Variants in VEGFC observed in about 807,000 individuals in gnomAD.
VEGFC encodes the protein FLT4 ligand DHM.
VEGFC carries 12 observed loss-of-function variants against 46.1 expected under a neutral mutation model. That is an observed-to-expected ratio of 0.26 (90% CI 0.17 to 0.42). The LOEUF is 0.42. Among genes scored for constraint, VEGFC ranks in the 10% least tolerant of loss-of-function variants. VEGFC has a pLI of 1.00. For missense variants in VEGFC, 488 were observed against 529.4 expected, an observed-to-expected ratio of 0.92 and a Z score of 0.77; for synonymous variants, 232 against 195.5, an observed-to-expected ratio of 1.19 and a Z score of -1.56.
intron 4 of VEGFC, among the ~76,000 whole-genome samples, chr4:176,691,075 A>C (rs1254685507): frequency 6.6e-6 from 1 of 152,230 alleles, no homozygotes; most frequent in Non-Finnish European, 1.5e-5. Flanking sequence ...ACCGTGCTTC[A>C]AAAGTGAGGA....
chr4:176,719,023 T>C (rs1734739016), intron 3 of VEGFC, among the ~76,000 whole-genome samples: 1 of 152,220 alleles, frequency 6.6e-6, no homozygotes, highest in Non-Finnish European at 1.5e-5. Flanking sequence ...GCCACTTAGA[T>C]ACTTGTGTGG....
rs1053514094 is a variant in VEGFC at position 176,729,683 on chromosome 4, T to A, written c.211A>T (p.Thr71Ser). ...TTCCAATATTCTGGGTAGAGTACAG[T>A]CATGAGTTCATCTACACTGGACACA... The part of the protein sequence containing the change: ...RSVSSVDELM[T>S]VLYPEYWKMY... The change falls in exon 2 of 7, where the codon ACT becomes TCT. Residue 71 changes from threonine to serine, a missense_variant. By Grantham distance (58) the Thr-to-Ser change is moderately conservative. Transcript: ENST00000618562. 1 of 1,613,514 alleles carries A rather than the reference T, an allele frequency of 6.2e-7. No individual in the cohort carries two copies. The highest frequency in any genetic ancestry group is 1.3e-5 in the African/African-American group (1 of 74,846).
chr4:176,764,863 T>C (rs1735593160), intron 1 of VEGFC, among the ~76,000 whole-genome samples: 1 of 151,842 alleles, frequency 6.6e-6, no homozygotes, highest in Non-Finnish European at 1.5e-5. Flanking sequence ...TTTCAGCAAA[T>C]AAGAAAAATA....
chr4:176,784,859 G>T (rs1037613500), intron 1 of VEGFC, among the ~76,000 whole-genome samples: 3 of 151,668 alleles, frequency 2.0e-5, no homozygotes, highest in African/African-American at 7.3e-5. Context: ...TACTCATTGT[G>T]CTACAAAGAA....
rs147197056 is a variant in VEGFC, at chr4:176,736,252, A to G, written c.148-6506T>C. Reference sequence around the variant, plus strand: ...CATATTTCTAGAAAGCTTTCCTAATAAAATGCCCATATTTTGTATAAATAT... The same window carrying G: ...CATATTTCTAGAAAGCTTTCCTAATGAAATGCCCATATTTTGTATAAATAT... On this transcript the variant is annotated intron_variant, in intron 1 of 6. Transcript: ENST00000618562. Among the ~76,000 whole-genome samples, 76 of 152,022 alleles carry G rather than the reference A, an allele frequency of 5.0e-4. 4 individuals carry two copies. In the East Asian group the frequency reaches 0.012, roughly 24 times the overall value.
At chr4:176,690,820 G>A (rs536155529) in intron 4 of VEGFC, among the ~76,000 whole-genome samples, 2 of 152,114 alleles carry the variant, frequency 1.3e-5, no homozygotes, top group East Asian at 3.9e-4. Flanking sequence ...GTAACACACT[G>A]CCATGTTGGC....
At chr4:176,706,498 G>A (rs2110993738) in intron 4 of VEGFC, among the ~76,000 whole-genome samples, 1 of 151,544 alleles carries the variant, frequency 6.6e-6, no homozygotes, top group East Asian at 2.0e-4. Flanking sequence ...ATGGTGGCGG[G>A]CAACTGTAAT....
intron 1 of VEGFC, among the ~76,000 whole-genome samples, chr4:176,747,284 C>T (rs934220440): frequency 6.6e-6 from 1 of 151,956 alleles, no homozygotes; most frequent in East Asian, 1.9e-4. Flanking sequence ...TTACAATAAA[C>T]TAATTTGAGT....
chr4:176,706,625 C>CAAAAAAAAAAA (rs55996370), intron 4 of VEGFC, among the ~76,000 whole-genome samples: 2 of 63,448 alleles, frequency 3.2e-5, no homozygotes, highest in African/African-American at 1.6e-4. Context: ...GAATCTGTCT[C>CAAAAAAAAAAA]AAAAAAAAAA....
chr4:176,705,946 A>G (rs973351688), intron 4 of VEGFC: 1 of 152,166 alleles, frequency 6.6e-6, no homozygotes, highest in Non-Finnish European at 1.5e-5. Flanking sequence ...AACCTACTCA[A>G]ACTCAAAGAG....
At chr4:176,768,544 G>A (rs1353924904) in intron 1 of VEGFC, among the ~76,000 whole-genome samples, 11 of 108,662 alleles carry the variant, frequency 1.0e-4, no homozygotes, top group Middle Eastern at 6.1e-3. Context: ...ATGATATTTC[G>A]ACATCTTAAA....
chr4:176,707,216 T>C (rs1403604876), intron 4 of VEGFC, among the ~76,000 whole-genome samples: 1 of 152,242 alleles, frequency 6.6e-6, no homozygotes, highest in East Asian at 1.9e-4. Flanking sequence ...TGGAAATATG[T>C]ACATGTTAAA....
intron 4 of VEGFC, among the ~76,000 whole-genome samples, chr4:176,693,248 A>G (rs1373731701): frequency 1.4e-5 from 2 of 144,326 alleles, no homozygotes; most frequent in Non-Finnish European, 3.0e-5. Flanking sequence ...AGAAGAATGT[A>G]TAACTAGAAT....
chr4:176,688,034 A>G, intron 4 of VEGFC, 107 bp from the exon 5 acceptor site: 1 of 571,542 alleles, frequency 1.7e-6, no homozygotes, highest in Non-Finnish European at 3.1e-6. Context: ...AGCTTTAAAA[A>G]TATAAGAATT....
intron 4 of VEGFC, among the ~76,000 whole-genome samples, chr4:176,709,057 C>G (rs1325712170): frequency 1.3e-5 from 2 of 152,120 alleles, no homozygotes; most frequent in Non-Finnish European, 2.9e-5. Flanking sequence ...GCTGTAGCTT[C>G]CTGTCTCTTC....
At chr4:176,781,127 G>A (rs767104312) in intron 1 of VEGFC, among the ~76,000 whole-genome samples, 4 of 152,206 alleles carry the variant, frequency 2.6e-5, no homozygotes, top group Non-Finnish European at 5.9e-5. Flanking sequence ...ATTGTTAAGT[G>A]TGATGGTCAT....
intron 4 of VEGFC, among the ~76,000 whole-genome samples, chr4:176,702,144 C>T (rs956062971): frequency 6.6e-6 from 1 of 152,092 alleles, no homozygotes. Flanking sequence ...AATCTACTTA[C>T]TCTATTCCTT....
At chr4:176,751,301 A>C (rs1735338588) in intron 1 of VEGFC, among the ~76,000 whole-genome samples, 1 of 151,982 alleles carries the variant, frequency 6.6e-6, no homozygotes, top group African/African-American at 2.4e-5. Flanking sequence ...TTAGAATTGA[A>C]ACGCGAATAG....
At chr4:176,731,484 GA>G (rs1180416707) in intron 1 of VEGFC, among the ~76,000 whole-genome samples, 2 of 151,168 alleles carry the variant, frequency 1.3e-5, no homozygotes, top group Admixed American at 6.6e-5. Flanking sequence ...AATAATGTTG[GA>G]AAAAAAACAG....
Sources: allele counts gnomAD v4.1 joint callset (sites outside exome capture counted in the v4.1 genomes callset), GRCh38; gene constraint gnomAD v4.1.1; transcripts MANE v1.5; gene names NCBI Gene and HGNC (gene_info 2026-07-23, HGNC 2026-07-21).